FSTL5: variants seen among roughly 807,000 people sequenced by gnomAD.
FSTL5 encodes follistatin like 5, also known as follistatin-related protein 5.
Under a neutral mutation model 89.1 loss-of-function variants are expected in FSTL5, and 62 were observed. That is an observed-to-expected ratio of 0.70 (90% confidence interval 0.57 to 0.86). FSTL5 has a LOEUF of 0.86. FSTL5 is among the 40% of genes least tolerant of loss of function. FSTL5 has a pLI of 0.00. For missense variants in FSTL5, 1,057 were observed against 1,001.6 expected (o/e 1.06, Z -0.75); for synonymous variants, 383 against 346.2 (o/e 1.11, Z -1.18).
chr4:161,954,874 A>G (rs1734987862), intron 3 of FSTL5, among the ~76,000 whole-genome samples: 1 of 151,690 alleles, frequency 6.6e-6, no homozygotes, highest in African/African-American at 2.4e-5. Context: ...AATGTGAAAA[A>G]TAATGTGGAA....
chr4:161,628,490 T>C (rs1202606618), intron 7 of FSTL5, among the ~76,000 whole-genome samples: 2 of 152,142 alleles, frequency 1.3e-5, no homozygotes, highest in African/African-American at 4.8e-5. Flanking sequence ...AAATTATGTC[T>C]AAAAATTAAT....
At position 161,587,483 on chromosome 4, in the gene FSTL5, G is replaced by C. The variant is rs1399270576; in HGVS notation, c.987C>G (p.Val329=). The stretch of plus-strand genomic sequence containing the variant: ...TCACTTGGAAGATGTGAGTCTGATA[G>C]ACTTGTTCATAGCCATCTGCATAGC... ...YTCYADGYEQ[V]YQTHIFQVNV... is the part of the protein sequence containing the mutation. Residue 329 remains valine, a synonymous_variant, in exon 8 of 16, where the codon GTC becomes GTG. Transcript: ENST00000306100. The C allele has an allele frequency of 3.7e-6, 6 of 1,613,064 alleles. No individual in the cohort carries two copies. Among genetic ancestry groups the C allele is most frequent in the Non-Finnish European group, 5.1e-6 (6 of 1,179,418 alleles).
intron 6 of FSTL5, among the ~76,000 whole-genome samples, chr4:161,668,672 A>ACGTTGGTGT (rs1736979572): frequency 6.6e-6 from 1 of 152,208 alleles, no homozygotes; most frequent in South Asian, 2.1e-4. Context: ...ACACTATGAC[A>ACGTTGGTGT]CGTTGGTGTT....
chr4:161,727,858 G>A (rs989003289), intron 6 of FSTL5, among the ~76,000 whole-genome samples: 3 of 152,134 alleles, frequency 2.0e-5, no homozygotes, highest in African/African-American at 7.2e-5. Flanking sequence ...ATAGAGAAAG[G>A]AGAGGAAAGG....
At chr4:161,572,769 AC>A (rs1177586513) in intron 8 of FSTL5, among the ~76,000 whole-genome samples, 1 of 152,172 alleles carries the variant, frequency 6.6e-6, no homozygotes, top group Non-Finnish European at 1.5e-5. Flanking sequence ...TGTCTGCATC[AC>A]TGGGTGACTG....
chr4:161,679,352 T>C (rs1737438570), intron 6 of FSTL5, among the ~76,000 whole-genome samples: 1 of 151,798 alleles, frequency 6.6e-6, no homozygotes, highest in Non-Finnish European at 1.5e-5. Context: ...TTTTGACTTA[T>C]TTAATAATCA....
intron 15 of FSTL5, among the ~76,000 whole-genome samples, chr4:161,405,289 G>GAAC (rs112420660): frequency 1.3e-4 from 19 of 147,626 alleles, no homozygotes; most frequent in Admixed American, 5.4e-4. Context: ...ATGGATCAAA[G>GAAC]AACAACAACA....
chr4:161,858,794 C>A (rs901398632), intron 4 of FSTL5, among the ~76,000 whole-genome samples: 3 of 152,146 alleles, frequency 2.0e-5, no homozygotes, highest in African/African-American at 7.2e-5. Flanking sequence ...TTCCATGGAG[C>A]CTCTCTCCTG....
intron 12 of FSTL5, among the ~76,000 whole-genome samples, chr4:161,490,070 T>C (rs1205317712): frequency 2.6e-5 from 4 of 152,174 alleles, no homozygotes; most frequent in Non-Finnish European, 4.4e-5. Flanking sequence ...ATAAAAATTC[T>C]AGTTATTAAA....
At chr4:162,082,531 C>CTT (rs5863515) in intron 2 of FSTL5, among the ~76,000 whole-genome samples, 5,172 of 144,554 alleles carry the variant, frequency 0.036, 134 homozygotes, top group South Asian at 0.096. Flanking sequence ...TAAACAAATT[C>CTT]TTTTTTTTTT....
At chr4:162,065,599 T>C (rs1486155485) in intron 2 of FSTL5, among the ~76,000 whole-genome samples, 2 of 151,948 alleles carry the variant, frequency 1.3e-5, no homozygotes, top group African/African-American at 2.4e-5. Context: ...AGAAAAGGTA[T>C]ACACCATTGA....
chr4:161,779,884 G>A (rs1416019719), intron 4 of FSTL5, among the ~76,000 whole-genome samples: 3 of 140,386 alleles, frequency 2.1e-5, no homozygotes, highest in Non-Finnish European at 4.6e-5. Flanking sequence ...ATTACAGAAG[G>A]AGAAAGAACA....
intron 2 of FSTL5, among the ~76,000 whole-genome samples, chr4:162,092,829 A>G (rs1314888776): frequency 2.0e-5 from 3 of 150,904 alleles, no homozygotes; most frequent in Non-Finnish European, 4.4e-5. Flanking sequence ...CGCACCTGTT[A>G]TCCCAGCTAC....
intron 15 of FSTL5, among the ~76,000 whole-genome samples, chr4:161,397,009 T>A (rs913799866): frequency 1.3e-5 from 2 of 152,178 alleles, no homozygotes; most frequent in South Asian, 4.1e-4. Flanking sequence ...CAGTTACTTA[T>A]CTTAAGGATG....
intron 7 of FSTL5, 102 bp downstream of exon 7, chr4:161,656,226 T>C: frequency 1.8e-6 from 1 of 551,180 alleles, no homozygotes; most frequent in Non-Finnish European, 3.0e-6. Context: ...AATTCTCTTT[T>C]ACTCTGCATC....
intron 5 of FSTL5, among the ~76,000 whole-genome samples, chr4:161,769,326 A>T (rs1741127284): frequency 6.6e-6 from 1 of 151,998 alleles, no homozygotes; most frequent in African/African-American, 2.4e-5. Context: ...AAACTTTCAA[A>T]CTCATTCCAT....
At chr4:161,663,908 G>T (rs1170869584) in intron 6 of FSTL5, among the ~76,000 whole-genome samples, 1 of 152,170 alleles carries the variant, frequency 6.6e-6, no homozygotes, top group African/African-American at 2.4e-5. Context: ...TGACTTCTGT[G>T]CACCCACGGG....
At chr4:161,583,858 T>G (rs1733517476) in intron 8 of FSTL5, among the ~76,000 whole-genome samples, 1 of 152,168 alleles carries the variant, frequency 6.6e-6, no homozygotes, top group Non-Finnish European at 1.5e-5. Flanking sequence ...TATTTGATCC[T>G]TGGGAACACC....
At chr4:161,559,657 T>C (rs1732518799) in intron 8 of FSTL5, among the ~76,000 whole-genome samples, 1 of 151,938 alleles carries the variant, frequency 6.6e-6, no homozygotes, top group African/African-American at 2.4e-5. Context: ...TAATGGTTTC[T>C]CATGCATTTT....
Sources: allele counts gnomAD v4.1 joint callset (sites outside exome capture counted in the v4.1 genomes callset), GRCh38; gene constraint gnomAD v4.1.1; transcripts MANE v1.5; gene names NCBI Gene and HGNC (gene_info 2026-07-23, HGNC 2026-07-21).